Variants in PCDH15 observed in about 807,000 individuals in gnomAD.
PCDH15 encodes protocadherin related 15, also known as protocadherin-15.
In PCDH15, 129 loss-of-function variants were observed where a neutral mutation model predicts 178.5. The ratio of observed to expected loss-of-function variants is 0.72; its 90% CI spans 0.63 to 0.84. The LOEUF is 0.84. Among genes scored for constraint, PCDH15 ranks in the 40% least tolerant of loss-of-function variants. The pLI, the probability that PCDH15 is intolerant of heterozygous loss-of-function variation, is 0.00. For synonymous variants in PCDH15, 800 were observed against 732.0 expected (o/e 1.09, Z -1.50); for missense variants, 2,230 against 2,099.9 (o/e 1.06, Z -1.21).
At chr10:55,085,150 CAATAG>C (rs1219171354) in intron 2 of PCDH15, among the ~76,000 whole-genome samples, 1 of 151,952 alleles carries the variant, frequency 6.6e-6, no homozygotes, top group African/African-American at 2.4e-5. Context: ...GCACAATTCA[CAATAG>C]CCAAGATTTT....
intron 2 of PCDH15, among the ~76,000 whole-genome samples, chr10:55,417,018 T>C (rs1471198592): frequency 6.6e-6 from 1 of 151,838 alleles, no homozygotes; most frequent in African/African-American, 2.4e-5. Context: ...TTTGTATGTG[T>C]CAAGCCTAGC....
chr10:54,886,307 G>C (rs1481606196), intron 3 of PCDH15, among the ~76,000 whole-genome samples: 1 of 152,082 alleles, frequency 6.6e-6, no homozygotes, highest in African/African-American at 2.4e-5. Context: ...TTCTTAAATT[G>C]ACTTGTAAAC....
In PCDH15 at chr10:54,466,100, T is replaced by C. The variant is rs574101068; in HGVS notation, c.157+61712A>G. Among the ~76,000 whole-genome samples the C allele has an allele frequency of 5.3e-5, 8 of 152,126 alleles. No homozygotes were observed. The South Asian group carries it at 1.7e-3, about 31-fold the overall frequency. ...TGTTGAGATCCTTGTATAATCTGGA[T>C]ATTAGTCCCTTGATGAAAGAGTAGT... On this transcript the variant is annotated intron_variant, in intron 3 of 37. Coordinates refer to ENST00000644397, the MANE Select transcript of PCDH15 (RefSeq NM_001384140.1).
intron 3 of PCDH15, among the ~76,000 whole-genome samples, chr10:54,523,747 G>C (rs2083109820): frequency 6.6e-6 from 1 of 152,166 alleles, no homozygotes; most frequent in Non-Finnish European, 1.5e-5. Flanking sequence ...CTATTCAAAA[G>C]TGAAGGTAGT....
At chr10:53,990,633 A>T (rs1000208972) in intron 21 of PCDH15, among the ~76,000 whole-genome samples, 24 of 151,778 alleles carry the variant, frequency 1.6e-4, no homozygotes, top group African/African-American at 5.8e-4. Context: ...AAAATTGTTC[A>T]TATTGAGAGG....
At chr10:55,322,791 C>T (rs1253941882), upstream of PCDH15, among the ~76,000 whole-genome samples, 1 of 139,334 alleles carries the variant, frequency 7.2e-6, no homozygotes, top group East Asian at 2.1e-4. Flanking sequence ...GATGATGCAA[C>T]AGAAAAAAAA....
At chr10:54,773,454 T>C (rs1387324142) in intron 1 of PCDH15, among the ~76,000 whole-genome samples, 1 of 152,216 alleles carries the variant, frequency 6.6e-6, no homozygotes, top group African/African-American at 2.4e-5. Context: ...ACAGCTAGCA[T>C]TGATGTCATT....
chr10:55,048,301 G>A (rs1037313121), intron 2 of PCDH15, among the ~76,000 whole-genome samples: 2 of 151,814 alleles, frequency 1.3e-5, no homozygotes, highest in Admixed American at 1.3e-4. Flanking sequence ...CTAAAGGAGA[G>A]TCGCTGAAAG....
In PCDH15 at chr10:55,139,650, A is replaced by G. The variant is rs116556182; in HGVS notation, c.-80+26926T>C. On this transcript the variant is annotated intron_variant, in intron 2 of 5. Transcript: ENST00000458638. Reference sequence around the variant, plus strand: ...TTTTCATTCTGTTCCATCGATCTGCAGATCTATTTTTGTGCCAATCCCACA... The same window carrying G: ...TTTTCATTCTGTTCCATCGATCTGCGGATCTATTTTTGTGCCAATCCCACA... Among the ~76,000 whole-genome samples, 988 of 152,156 alleles carry G rather than the reference A, an allele frequency of 6.5e-3. 8 individuals are homozygous for G. Among genetic ancestry groups the G allele is most frequent in the African/African-American group, 0.021 (866 of 41,576 alleles).
intron 1 of PCDH15, among the ~76,000 whole-genome samples, chr10:55,175,009 C>A (rs1348055683): frequency 6.7e-6 from 1 of 149,308 alleles, no homozygotes; most frequent in African/African-American, 2.4e-5. Flanking sequence ...GAGAAGCAGG[C>A]CGACTTACAA....
At chr10:54,302,179 A>T (rs1250826982) in intron 8 of PCDH15, among the ~76,000 whole-genome samples, 2 of 152,182 alleles carry the variant, frequency 1.3e-5, no homozygotes, top group African/African-American at 4.8e-5. Context: ...ACTAGGTTAG[A>T]TACATGTACC....
intron 2 of PCDH15, among the ~76,000 whole-genome samples, chr10:55,493,709 A>G (rs1454282972): frequency 6.6e-6 from 1 of 151,938 alleles, no homozygotes; most frequent in Non-Finnish European, 1.5e-5. Context: ...TTATGTAAAC[A>G]AAAATGAAAT....
chr10:55,496,288 G>A (rs931247013), intron 2 of PCDH15, among the ~76,000 whole-genome samples: 2 of 151,562 alleles, frequency 1.3e-5, no homozygotes, highest in Admixed American at 6.6e-5. Flanking sequence ...AAATAAATAA[G>A]CACAAATGCG....
chr10:54,174,257 G>A (rs1171067201), intron 13 of PCDH15, among the ~76,000 whole-genome samples: 4 of 152,160 alleles, frequency 2.6e-5, no homozygotes, highest in Non-Finnish European at 4.4e-5. Context: ...TTAAGGCCGG[G>A]CGTGGTGGCT....
chr10:54,144,923 A>G (rs1238564531), intron 14 of PCDH15, among the ~76,000 whole-genome samples: 1 of 152,170 alleles, frequency 6.6e-6, no homozygotes, highest in Non-Finnish European at 1.5e-5. Flanking sequence ...TCCTACAAGA[A>G]CAAATATGTA....
At chr10:53,917,737 C>T (rs907362133) in intron 25 of PCDH15, among the ~76,000 whole-genome samples, 2 of 152,164 alleles carry the variant, frequency 1.3e-5, no homozygotes, top group Admixed American at 1.3e-4. Flanking sequence ...TTTGACTCCC[C>T]TGCATCTCAT....
chr10:53,813,205 A>C (rs2132407271), intron 35 of PCDH15, among the ~76,000 whole-genome samples: 1 of 152,174 alleles, frequency 6.6e-6, no homozygotes, highest in Non-Finnish European at 1.5e-5. Context: ...CCCCAACGAC[A>C]CTTTTCTACA....
intron 1 of PCDH15, among the ~76,000 whole-genome samples, chr10:55,312,070 A>G (rs1451492629): frequency 6.6e-6 from 1 of 152,170 alleles, no homozygotes. Flanking sequence ...ATCTGCTGTG[A>G]GTCACTGTGA....
chr10:54,008,021 G>C (rs1204876929), intron 20 of PCDH15, among the ~76,000 whole-genome samples: 2 of 152,116 alleles, frequency 1.3e-5, no homozygotes, highest in South Asian at 4.1e-4. Flanking sequence ...AATATTTTAT[G>C]GGCCTCAGTA....
Sources: gnomAD v4.1 joint callset for allele counts (sites outside exome capture counted in the v4.1 genomes callset) on GRCh38, gnomAD v4.1.1 for gene constraint, MANE v1.5 for transcripts, NCBI Gene and HGNC (gene_info 2026-07-23, HGNC 2026-07-21) for gene names.